Variants in AHCYL2 observed in about 807,000 individuals in gnomAD.
The protein encoded by AHCYL2 is S-adenosylhomocysteine hydrolase-like protein 2.
A neutral mutation model predicts 81.4 loss-of-function variants in AHCYL2; 28 were observed. The observed-to-expected ratio is 0.34, with a 90% CI of 0.25 to 0.47. The LOEUF is 0.47. AHCYL2 is among the 20% of genes least tolerant of loss of function. AHCYL2 has a pLI of 1.00. For missense variants in AHCYL2, 551 were observed against 785.1 expected (o/e 0.70, Z 3.56); for synonymous variants, 272 against 290.2 (o/e 0.94, Z 0.64).
At chr7:129,403,634 T>C (rs963375664) in intron 7 of AHCYL2, 149 bp downstream of exon 7, 6 of 353,936 alleles carry the variant, frequency 1.7e-5, no homozygotes, top group East Asian at 6.0e-5. Context: ...GAGGCTGAGG[T>C]GGGCGGATCA....
chr7:129,295,200 G>C (rs1020724019), intron 1 of AHCYL2, among the ~76,000 whole-genome samples: 1 of 152,232 alleles, frequency 6.6e-6, no homozygotes, highest in African/African-American at 2.4e-5. Flanking sequence ...TTTCATAATA[G>C]AGTAGAGCTT....
chr7:129,290,793 A>G (rs1270021859), intron 1 of AHCYL2, among the ~76,000 whole-genome samples: 1 of 149,742 alleles, frequency 6.7e-6, no homozygotes, highest in African/African-American at 2.5e-5. Context: ...AGCCGGGCGC[A>G]GTGGCGGGCG....
intron 1 of AHCYL2, among the ~76,000 whole-genome samples, chr7:129,255,276 A>G (rs1795374494): frequency 2.0e-5 from 3 of 152,208 alleles, no homozygotes; most frequent in East Asian, 1.9e-4. Flanking sequence ...AAGAAAAAAA[A>G]GTAAAAAGAA....
At position 129,225,254 on chromosome 7, in the gene AHCYL2, C is replaced by A. The variant is rs573313049; in HGVS notation, c.178C>A (p.Pro60Thr). 6.9e-7 allele frequency: 1 copy of A among 1,456,436 alleles called. No homozygotes were observed. The highest frequency in any genetic ancestry group is 1.3e-5 in the South Asian group (1 of 74,256). The allele number at this position is 1,456,436 out of a possible 1,614,324, so 90.2% of individuals were successfully genotyped here. Reference sequence around the variant, plus strand: ...GGCTCCAGCTCCCGCCGCGGAGCGGCCCCCGGTCCCCGGCCCGGGCTCGGG... The same window carrying A: ...GGCTCCAGCTCCCGCCGCGGAGCGGACCCCGGTCCCCGGCCCGGGCTCGGG... ...PEAPAPAAER[P>T]PVPGPGSGPA... Residue 60 changes from proline (P) to threonine (T), a missense_variant, in exon 1 of 17, where the codon CCC (proline) becomes ACC (threonine). By Grantham distance (38) the Pro-to-Thr change is conservative. Coordinates refer to ENST00000325006, the MANE Select transcript of AHCYL2 (RefSeq NM_015328.4).
intron 1 of AHCYL2, among the ~76,000 whole-genome samples, chr7:129,360,376 A>G (rs1793889811): frequency 6.6e-6 from 1 of 152,190 alleles, no homozygotes; most frequent in Non-Finnish European, 1.5e-5. Flanking sequence ...TCAGCCTCCC[A>G]AGGTGCTGGG....
At chr7:129,400,222 C>T (rs1771979661) in intron 5 of AHCYL2, 68 bp from the exon 6 acceptor site, 1 of 1,376,812 alleles carries the variant, frequency 7.3e-7, no homozygotes, top group Non-Finnish European at 1.0e-6. Flanking sequence ...CCAGAATCTT[C>T]TCACTAAAAT....
chr7:129,326,808 G>C (rs117319961), intron 1 of AHCYL2, among the ~76,000 whole-genome samples: 2,153 of 152,290 alleles, frequency 0.014, 21 homozygotes, highest in Non-Finnish European at 0.022. Flanking sequence ...AGAGCATAGT[G>C]AGAAAGAGAG....
At chr7:129,384,145 A>T (rs963719481) in intron 2 of AHCYL2, among the ~76,000 whole-genome samples, 24 of 151,824 alleles carry the variant, frequency 1.6e-4, no homozygotes, top group African/African-American at 5.8e-4. Flanking sequence ...ATTAAAAGTA[A>T]ATATGATACA....
intron 1 of AHCYL2, among the ~76,000 whole-genome samples, chr7:129,234,141 C>T (rs1794550326): frequency 6.6e-6 from 1 of 152,142 alleles, no homozygotes; most frequent in African/African-American, 2.4e-5. Context: ...CCCTCAACCT[C>T]CTGAGCTCAA....
intron 1 of AHCYL2, among the ~76,000 whole-genome samples, chr7:129,304,189 A>G (rs1348894166): frequency 6.6e-6 from 1 of 152,202 alleles, no homozygotes; most frequent in African/African-American, 2.4e-5. Context: ...TCATGTTTGT[A>G]CCATTTCCAA....
chr7:129,302,777 A>T (rs1285781585), intron 1 of AHCYL2, among the ~76,000 whole-genome samples: 1 of 151,864 alleles, frequency 6.6e-6, no homozygotes, highest in African/African-American at 2.4e-5. Context: ...TTTGTTGAGG[A>T]TTTTTACATA....
At chr7:129,359,053 A>G (rs1277947736) in intron 1 of AHCYL2, among the ~76,000 whole-genome samples, 1 of 152,224 alleles carries the variant, frequency 6.6e-6, no homozygotes, top group Non-Finnish European at 1.5e-5. Context: ...ACATACAAGA[A>G]TGTTCACAGC....
intron 1 of AHCYL2, among the ~76,000 whole-genome samples, chr7:129,275,408 A>G (rs1008690046): frequency 6.6e-6 from 1 of 152,172 alleles, no homozygotes; most frequent in Non-Finnish European, 1.5e-5. Context: ...TCTCCAAAAA[A>G]TAAAAAAATA....
At chr7:129,390,217 A>G (rs1795400616) in intron 4 of AHCYL2, among the ~76,000 whole-genome samples, 1 of 152,240 alleles carries the variant, frequency 6.6e-6, no homozygotes, top group South Asian at 2.1e-4. Flanking sequence ...ATACAACAAT[A>G]CAAAATAACA....
At chr7:129,401,471 C>T (rs983831009) in intron 6 of AHCYL2, among the ~76,000 whole-genome samples, 3 of 152,212 alleles carry the variant, frequency 2.0e-5, no homozygotes, top group Non-Finnish European at 4.4e-5. Context: ...TCTAGTCCAA[C>T]CATTGCTTGC....
At chr7:129,271,285 C>T (rs1428362638) in intron 1 of AHCYL2, among the ~76,000 whole-genome samples, 3 of 149,870 alleles carry the variant, frequency 2.0e-5, no homozygotes, top group Admixed American at 6.7e-5. Flanking sequence ...GGCGTGAACC[C>T]GAGAGGTGGA....
At chr7:129,269,406 C>T (rs1795925986) in intron 1 of AHCYL2, among the ~76,000 whole-genome samples, 1 of 152,122 alleles carries the variant, frequency 6.6e-6, no homozygotes, top group African/African-American at 2.4e-5. Flanking sequence ...CTGCCTCACC[C>T]TCCTGGGTAG....
chr7:129,236,452 C>T (rs1232447553), intron 1 of AHCYL2, among the ~76,000 whole-genome samples: 2 of 152,042 alleles, frequency 1.3e-5, no homozygotes, highest in African/African-American at 2.4e-5. Flanking sequence ...CCGCCTGCCT[C>T]GGCCTCCCAA....
intron 1 of AHCYL2, among the ~76,000 whole-genome samples, chr7:129,234,851 T>A (rs1480937422): frequency 6.6e-6 from 1 of 152,206 alleles, no homozygotes; most frequent in Non-Finnish European, 1.5e-5. Context: ...TACTAGGTCT[T>A]TTCCTTCAGA....
Sources: allele counts gnomAD v4.1 joint callset (sites outside exome capture counted in the v4.1 genomes callset), GRCh38; gene constraint gnomAD v4.1.1; transcripts MANE v1.5; gene names NCBI Gene and HGNC (gene_info 2026-07-23, HGNC 2026-07-21).